Variants in PCED1B observed in about 807,000 individuals in gnomAD.
The protein encoded by PCED1B is PC-esterase domain containing 1B, also known as PC-esterase domain-containing protein 1B.
For missense variants in PCED1B, 573 were observed against 573.9 expected (o/e 1.00, Z 0.02); for synonymous variants, 251 against 246.1 (o/e 1.02, Z -0.19).
At chr12:47,158,764 T>C (rs969385651) in intron 2 of PCED1B, among the ~76,000 whole-genome samples, 6 of 152,222 alleles carry the variant, frequency 3.9e-5, no homozygotes, top group Non-Finnish European at 8.8e-5. Flanking sequence ...TTATCACTTC[T>C]ATGTGTTGGG....
intron 2 of PCED1B, among the ~76,000 whole-genome samples, chr12:47,182,601 A>G (rs947655277): frequency 1.1e-4 from 16 of 148,504 alleles, no homozygotes; most frequent in Admixed American, 8.0e-4. Context: ...AAAAAAAAAA[A>G]GAAAAAAAAA....
rs1565607625 is a variant in PCED1B, at chr12:47,217,444, G to GAGAGAAAGAA, written c.-58+756_-58+757insGAGAAAGAAA. On this transcript the variant is annotated intron_variant, in intron 3 of 3. Coordinates refer to ENST00000546455, the MANE Select transcript of PCED1B (RefSeq NM_138371.3). ...CAGAGAAAGAAGAAAAAAAAAGAAA[G>GAGAGAAAGAA]AAAGAAAGAAAGAAAAAGAAAGAAA... 3.9e-3 allele frequency among the ~76,000 whole-genome samples: 315 copies of GAGAGAAAGAA among 80,514 alleles called. 5 individuals carry two copies. The highest frequency in any genetic ancestry group is 0.015 in the African/African-American group (303 of 20,684). 52.8% of individuals were successfully genotyped at this position (80,514 alleles called of 152,430 possible).
chr12:47,202,628 A>G (rs4768789), intron 2 of PCED1B, among the ~76,000 whole-genome samples: 4 of 151,242 alleles, frequency 2.6e-5, no homozygotes, highest in Non-Finnish European at 5.9e-5. Flanking sequence ...AAGAAAAAAG[A>G]AAAAAAATTG....
intron 1 of PCED1B, among the ~76,000 whole-genome samples, chr12:47,095,623 C>A (rs1317355720): frequency 2.0e-5 from 3 of 152,042 alleles, no homozygotes; most frequent in Non-Finnish European, 2.9e-5. Context: ...TAGATACTTT[C>A]TATTTATCTG....
Position 47,190,236 on chromosome 12 carries a change from G to A in PCED1B, c.-525-25986G>A, listed in dbSNP as rs187875206. 4.3e-3 allele frequency among the ~76,000 whole-genome samples: 660 copies of A among 152,250 alleles called. 1 individual carries two copies. Among genetic ancestry groups the A allele is most frequent in the Non-Finnish European group, 5.5e-3 (377 of 68,018 alleles). Reference sequence around the variant, plus strand: ...GTTGTCTCTCAGTCTATCCCACCCCGTTCTTCCCATGGTGCTGGTTGGTTC... The same window carrying A: ...GTTGTCTCTCAGTCTATCCCACCCCATTCTTCCCATGGTGCTGGTTGGTTC... On this transcript the variant is annotated intron_variant, in intron 2 of 3. Transcript: ENST00000546455.
intron 2 of PCED1B, among the ~76,000 whole-genome samples, chr12:47,158,425 TA>T (rs1366351665): frequency 2.0e-5 from 3 of 152,240 alleles, no homozygotes; most frequent in Non-Finnish European, 4.4e-5. Flanking sequence ...AGCATCTTTT[TA>T]TGTCCTTACT....
At chr12:47,185,946 G>A (rs1439678503) in intron 2 of PCED1B, among the ~76,000 whole-genome samples, 1 of 151,746 alleles carries the variant, frequency 6.6e-6, no homozygotes, top group African/African-American at 2.4e-5. Flanking sequence ...TTAGTCTGGT[G>A]CAGTGGCTCA....
chr12:47,081,612 G>A (rs1937727449), intron 1 of PCED1B, among the ~76,000 whole-genome samples: 1 of 152,206 alleles, frequency 6.6e-6, no homozygotes, highest in Non-Finnish European at 1.5e-5. Flanking sequence ...AGATTTTCTA[G>A]TATTAGGCCA....
intron 2 of PCED1B, among the ~76,000 whole-genome samples, chr12:47,130,591 AGGCAGGAGGATT>A (rs1353514732): frequency 6.6e-6 from 1 of 152,204 alleles, no homozygotes; most frequent in Admixed American, 6.5e-5. Flanking sequence ...TAGGAGGCTA[AGGCAGGAGGATT>A]GCTTGAGCTC....
chr12:47,103,221 A>G (rs1224018658), intron 1 of PCED1B, among the ~76,000 whole-genome samples: 1 of 152,190 alleles, frequency 6.6e-6, no homozygotes, highest in Admixed American at 6.5e-5. Context: ...CCATATTTTG[A>G]GCAGATGCAT....
At chr12:47,161,950 C>A (rs1941395216) in intron 2 of PCED1B, among the ~76,000 whole-genome samples, 1 of 152,160 alleles carries the variant, frequency 6.6e-6, no homozygotes, top group South Asian at 2.1e-4. Context: ...AGGATGAATT[C>A]ATGTCCTTTG....
At chr12:47,195,370 A>G (rs1010835040) in intron 2 of PCED1B, among the ~76,000 whole-genome samples, 13 of 152,032 alleles carry the variant, frequency 8.6e-5, no homozygotes, top group South Asian at 8.3e-4. Flanking sequence ...TGAAGGTGAC[A>G]GCTAATGTCT....
At chr12:47,154,279 C>A (rs564433227) in intron 2 of PCED1B, among the ~76,000 whole-genome samples, 6 of 152,282 alleles carry the variant, frequency 3.9e-5, no homozygotes, top group African/African-American at 1.4e-4. Flanking sequence ...TTCAGGAGCT[C>A]ATCCCATAAG....
intron 2 of PCED1B, chr12:47,209,751 A>G (rs1225070092): frequency 6.6e-6 from 1 of 152,228 alleles, no homozygotes; most frequent in East Asian, 1.9e-4. Context: ...TTAAGGCAGA[A>G]AGGCTGGTAT....
intron 2 of PCED1B, among the ~76,000 whole-genome samples, chr12:47,118,272 A>G (rs1054829845): frequency 3.3e-5 from 5 of 152,198 alleles, no homozygotes; most frequent in African/African-American, 7.2e-5. Context: ...GCCCATGCCT[A>G]TGTCCTGAAT....
chr12:47,195,811 AAATATTC>A (rs1942586083), intron 2 of PCED1B, among the ~76,000 whole-genome samples: 1 of 152,208 alleles, frequency 6.6e-6, no homozygotes, highest in Non-Finnish European at 1.5e-5. Flanking sequence ...ATGTATAGTT[AAATATTC>A]ATTATTCATT....
chr12:47,203,990 C>T lies in PCED1B; in HGVS notation c.-525-12232C>T, dbSNP rs140491436. On this transcript the variant is annotated intron_variant, in intron 2 of 3. Transcript: ENST00000546455. ...AAAGCATTCTTTTTCCCCACAACCT[C>T]GCCAGCATCTGTTGTTTTTTGACTT... Among the ~76,000 whole-genome samples the T allele has an allele frequency of 4.7e-4, 71 of 152,238 alleles. 1 individual carries two copies. Among genetic ancestry groups the T allele is most frequent in the African/African-American group, 1.7e-3 (69 of 41,532 alleles).
chr12:47,126,486 G>C (rs1325601740), intron 2 of PCED1B, among the ~76,000 whole-genome samples: 4 of 151,978 alleles, frequency 2.6e-5, no homozygotes, highest in African/African-American at 9.7e-5. Context: ...CAACATCTTT[G>C]GTTTTGGTAT....
At chr12:47,080,714 TAA>T (rs1937656062) in intron 1 of PCED1B, among the ~76,000 whole-genome samples, 1 of 152,144 alleles carries the variant, frequency 6.6e-6, no homozygotes, top group African/African-American at 2.4e-5. Context: ...AATGCAAAGA[TAA>T]GAGTATTAAC....
Sources: allele counts gnomAD v4.1 joint callset (sites outside exome capture counted in the v4.1 genomes callset), GRCh38; gene constraint gnomAD v4.1.1; transcripts MANE v1.5; gene names NCBI Gene and HGNC (gene_info 2026-07-23, HGNC 2026-07-21).